Variants in KCNMA1 observed in about 807,000 individuals in gnomAD.
KCNMA1 encodes the protein Calcium-activated potassium channel subunit alpha-1.
Under a neutral mutation model 140.0 loss-of-function variants are expected in KCNMA1, and 29 were observed. The observed-to-expected ratio is 0.21, with a 90% confidence interval of 0.15 to 0.28. KCNMA1 has a LOEUF of 0.28. Among genes scored for constraint, KCNMA1 ranks in the 10% least tolerant of loss-of-function variants. The pLI is 1.00. For synonymous variants in KCNMA1, 612 were observed against 611.9 expected (o/e 1.00, Z 0.00); for missense variants, 880 against 1,602.2 (o/e 0.55, Z 7.70).
intron 19 of KCNMA1, among the ~76,000 whole-genome samples, chr10:76,981,476 C>T (rs1365895513): frequency 4.6e-5 from 7 of 152,164 alleles, no homozygotes; most frequent in Admixed American, 6.5e-5. Flanking sequence ...AGGAAATTCA[C>T]GCCGTCTGAT....
intron 1 of KCNMA1, among the ~76,000 whole-genome samples, chr10:77,532,844 C>T (rs944686515): frequency 3.3e-5 from 5 of 152,120 alleles, no homozygotes; most frequent in Non-Finnish European, 7.4e-5. Flanking sequence ...CCAAAACCTT[C>T]CTATTGGCTC....
At chr10:77,259,334 T>C (rs190885650) in intron 2 of KCNMA1, among the ~76,000 whole-genome samples, 148 of 152,188 alleles carry the variant, frequency 9.7e-4, no homozygotes, top group African/African-American at 3.4e-3. Context: ...CTAGTAAAAA[T>C]CTCTATGATT....
chr10:77,177,048 A>G (rs533049955), intron 5 of KCNMA1, among the ~76,000 whole-genome samples: 1 of 152,278 alleles, frequency 6.6e-6, no homozygotes, highest in Non-Finnish European at 1.5e-5. Flanking sequence ...AGGTGGAGAA[A>G]GGGGCCATGA....
chr10:77,252,751 A>G (rs1243026098), intron 2 of KCNMA1, among the ~76,000 whole-genome samples: 1 of 152,166 alleles, frequency 6.6e-6, no homozygotes, highest in Non-Finnish European at 1.5e-5. Context: ...TGCACAGCCC[A>G]GAAAATGACC....
At chr10:77,303,630 A>T (rs1249333102) in intron 2 of KCNMA1, among the ~76,000 whole-genome samples, 3 of 152,196 alleles carry the variant, frequency 2.0e-5, no homozygotes, top group Non-Finnish European at 4.4e-5. Flanking sequence ...TGTGTACTAC[A>T]GGCAGCACAG....
At chr10:77,327,244 C>T (rs1250454277) in intron 2 of KCNMA1, among the ~76,000 whole-genome samples, 6 of 151,504 alleles carry the variant, frequency 4.0e-5, no homozygotes, top group African/African-American at 7.3e-5. Flanking sequence ...CAAGTTCACC[C>T]GCCATCCCTG....
At chr10:77,636,357 A>T in intron 1 of KCNMA1, 1 of 1,531,810 alleles carries the variant, frequency 6.5e-7, no homozygotes, top group Non-Finnish European at 8.7e-7. Flanking sequence ...CGCCAGCCTC[A>T]GTGCCGGTGG....
chr10:77,082,574 T>A (rs2096605200), intron 12 of KCNMA1, among the ~76,000 whole-genome samples: 1 of 152,130 alleles, frequency 6.6e-6, no homozygotes. Context: ...GGGTTACATT[T>A]TTTTTTTTAA....
At chr10:77,441,334 G>A (rs1416776337) in intron 1 of KCNMA1, among the ~76,000 whole-genome samples, 2 of 152,132 alleles carry the variant, frequency 1.3e-5, no homozygotes, top group African/African-American at 2.4e-5. Context: ...CACTAGGGGT[G>A]CAGGGAGAAA....
At chr10:77,579,047 G>A (rs1265474249) in intron 1 of KCNMA1, among the ~76,000 whole-genome samples, 1 of 152,214 alleles carries the variant, frequency 6.6e-6, no homozygotes. Context: ...TCCAAACAGG[G>A]AGGGAGCCAC....
intron 1 of KCNMA1, among the ~76,000 whole-genome samples, chr10:77,437,749 C>A (rs940391918): frequency 1.3e-5 from 2 of 152,172 alleles, no homozygotes; most frequent in Non-Finnish European, 2.9e-5. Flanking sequence ...AGGCAGGAGG[C>A]CTGCACCGGG....
chr10:77,213,239 A>G (rs754642997), intron 3 of KCNMA1, among the ~76,000 whole-genome samples: 2 of 152,200 alleles, frequency 1.3e-5, no homozygotes, highest in Admixed American at 6.5e-5. Context: ...GGCTGAATGG[A>G]GCACAGCTAA....
chr10:77,249,834 C>G (rs1599977988), intron 3 of KCNMA1: 1 of 152,162 alleles, frequency 6.6e-6, no homozygotes, highest in East Asian at 1.9e-4. Context: ...AAGCTCTTCT[C>G]TTTCTTGGCT....
intron 18 of KCNMA1, among the ~76,000 whole-genome samples, chr10:77,003,111 C>G (rs1000016726): frequency 6.6e-6 from 1 of 152,064 alleles, no homozygotes; most frequent in African/African-American, 2.4e-5. Context: ...GCAAGGGTAA[C>G]GTTATGATTG....
intron 1 of KCNMA1, among the ~76,000 whole-genome samples, chr10:77,499,332 C>T (rs150016929): frequency 4.0e-5 from 6 of 150,144 alleles, no homozygotes; most frequent in South Asian, 2.1e-4. Context: ...ACTGAAAAGA[C>T]GAAAACAAAA....
intron 5 of KCNMA1, among the ~76,000 whole-genome samples, chr10:77,122,213 A>ATTAACTTAAAG (rs1350029297): frequency 6.6e-6 from 1 of 152,196 alleles, no homozygotes; most frequent in African/African-American, 2.4e-5. Context: ...ATAAGGGAAA[A>ATTAACTTAAAG]TTAACTTAAA....
At chr10:77,606,400 G>A (rs1008628932) in intron 1 of KCNMA1, among the ~76,000 whole-genome samples, 30 of 152,176 alleles carry the variant, frequency 2.0e-4, no homozygotes, top group Admixed American at 2.0e-3. Context: ...GGGAGGCCAA[G>A]AGGGGACGAT....
chr10:77,148,880 T>G (rs561487194), intron 5 of KCNMA1, among the ~76,000 whole-genome samples: 1 of 152,378 alleles, frequency 6.6e-6, no homozygotes, highest in South Asian at 2.1e-4. Flanking sequence ...GAGGAAGGAA[T>G]GTTTAATTTG....
At chr10:76,890,585 G>A (rs984206862) in intron 26 of KCNMA1, among the ~76,000 whole-genome samples, 7 of 152,200 alleles carry the variant, frequency 4.6e-5, no homozygotes, top group African/African-American at 1.7e-4. Context: ...AAAGTATGCA[G>A]CACTGTTTCA....
Sources: gnomAD v4.1 joint callset for allele counts (sites outside exome capture counted in the v4.1 genomes callset) on GRCh38, gnomAD v4.1.1 for gene constraint, MANE v1.5 for transcripts, NCBI Gene and HGNC (gene_info 2026-07-23, HGNC 2026-07-21) for gene names.